The following FEM1B variants were observed in gnomAD, a reference collection of about 807,000 sequenced individuals.
FEM1B encodes the protein fem-1 homolog B, also known as protein fem-1 homolog B.
Under a neutral mutation model 38.6 loss-of-function variants are expected in FEM1B, and 10 were observed. That is an observed-to-expected ratio of 0.26 (90% CI 0.16 to 0.44). The LOEUF (loss-of-function observed/expected upper bound fraction) is 0.44, where lower values mean the gene tolerates loss of function less well. Among genes scored for constraint, FEM1B ranks in the 20% least tolerant of loss-of-function variants. The pLI, the probability that FEM1B is intolerant of heterozygous loss-of-function variation, is 1.00. For synonymous variants in FEM1B, 288 were observed against 288.0 expected (o/e 1.00, Z 0.00); for missense variants, 471 against 786.7 (o/e 0.60, Z 4.80).
intron 1 of FEM1B, among the ~76,000 whole-genome samples, chr15:68,287,208 A>T (rs1258012642): frequency 1.4e-5 from 2 of 143,884 alleles, no homozygotes; most frequent in Non-Finnish European, 3.0e-5. Flanking sequence ...TTCTTTAGTT[A>T]AAAAAAATCA....
rs747427324 is a variant in FEM1B at position 68,290,307 on chromosome 15, A to G, written c.949A>G (p.Ile317Val). 1 of 1,614,146 alleles carries G rather than the reference A, an allele frequency of 6.2e-7. No individual in the cohort carries two copies. Among genetic ancestry groups the G allele is most frequent in the Non-Finnish European group, 8.5e-7 (1 of 1,180,006 alleles). Residue 317 changes from isoleucine to valine, a missense_variant, in exon 2 of 2, where the codon ATT becomes GTT. Around this residue, in one of 3 missense-constraint regions of FEM1B, gnomAD observed 380 missense variants for 599.6 expected, o/e 0.63. Transcript: ENST00000306917. The surrounding 1 kb of genome is among the most constrained non-coding windows in gnomAD (Gnocchi z 9.7). ...ECRNPQELESIRQDRDALHME... is the reference protein window; with the variant it reads ...ECRNPQELESVRQDRDALHME... ...TAGAAATCCTCAGGAACTGGAGTCC[A>G]TTCGGCAAGACAGAGATGCTCTTCA...
intron 1 of FEM1B, among the ~76,000 whole-genome samples, chr15:68,286,799 AC>A (rs200723170): frequency 6.6e-6 from 1 of 152,028 alleles, no homozygotes; most frequent in African/African-American, 2.4e-5. Flanking sequence ...TAAAAACATA[AC>A]AAAAAAATAA....
At chr15:68,282,678 G>A (rs1031208759) in intron 1 of FEM1B, among the ~76,000 whole-genome samples, 2 of 152,144 alleles carry the variant, frequency 1.3e-5, no homozygotes, top group African/African-American at 4.8e-5. Context: ...ATTTTGGACT[G>A]GGCCTAGAAA....
chr15:68,291,406 AT>A lies in FEM1B; in HGVS notation c.*166del. 1.7e-6 allele frequency: 1 copy of A among 573,244 alleles called. No homozygotes were observed. The highest frequency in any genetic ancestry group is 3.0e-6 in the Non-Finnish European group (1 of 333,326). The allele number at this position is 573,244 out of a possible 1,614,324, so 35.5% of individuals were successfully genotyped here. A position where few individuals can be genotyped will look rare whatever the true frequency, so the allele number is the denominator to read the frequency against. Reference sequence around the variant, plus strand: ...TATTTGTTTTTCTTGCCTCATGGTAATTGATTTCAGACAGACTTTAACAAAA... The same window carrying A: ...TATTTGTTTTTCTTGCCTCATGGTAATGATTTCAGACAGACTTTAACAAAA... On this transcript the variant is annotated 3_prime_UTR_variant, in exon 2 of 2. Coordinates refer to ENST00000306917, the MANE Select transcript of FEM1B (RefSeq NM_015322.5). The surrounding 1 kb of genome is among the most constrained non-coding windows in gnomAD (Gnocchi z 6.9).
Position 68,293,673 on chromosome 15 carries a change from A to T in FEM1B, c.*2431A>T, listed in dbSNP as rs1180648756. The T allele has an allele frequency of 6.6e-6, 1 of 152,212 alleles. No homozygotes were observed. The highest frequency in any genetic ancestry group is 2.4e-5 in the African/African-American group (1 of 41,458). 9.4% of individuals were successfully genotyped at this position (152,212 alleles called of 1,614,324 possible). On this transcript the variant is annotated 3_prime_UTR_variant, in exon 2 of 2. Transcript: ENST00000306917. This position sits in a 1 kb window ranked among gnomAD's most constrained non-coding sequence, Gnocchi z 5.8. The stretch of plus-strand genomic sequence containing the variant: ...AATCTAATTCTATCTTGTAAAATCA[A>T]TCCAAATGTGTATTGTGAAACACCT...
chr15:68,286,582 T>G (rs948110561), intron 1 of FEM1B, among the ~76,000 whole-genome samples: 3 of 152,156 alleles, frequency 2.0e-5, no homozygotes, highest in Admixed American at 6.5e-5. Context: ...ATCTTAACAT[T>G]ATAGAGTCTT....
Position 68,280,421 on chromosome 15 carries a change from T to C in FEM1B, c.248+1756T>C, listed in dbSNP as rs1892713344. 6.6e-6 allele frequency: 1 copy of C among 152,168 alleles called. No individual in the cohort carries two copies. The highest frequency in any genetic ancestry group is 6.6e-5 in the Admixed American group (1 of 15,264). The allele number at this position is 152,168 out of a possible 1,614,324, so 9.4% of individuals were successfully genotyped here. On this transcript the variant is annotated intron_variant, in intron 1 of 1. Coordinates refer to ENST00000306917, the MANE Select transcript of FEM1B (RefSeq NM_015322.5). The surrounding 1 kb of genome is among the most constrained non-coding windows in gnomAD (Gnocchi z 4.2). ...GTCAGTCTGGGTGGGGGGAGAGAAA[T>C]TAATAACACAAATGAGTATTTGCAG...
chr15:68,286,137 AG>A (rs1454954330), intron 1 of FEM1B, among the ~76,000 whole-genome samples: 5 of 151,946 alleles, frequency 3.3e-5, no homozygotes. Context: ...TTTATTAAAA[AG>A]ACCATGTTTT....
intron 1 of FEM1B, among the ~76,000 whole-genome samples, chr15:68,285,020 C>T (rs75471612): frequency 0.011 from 1,613 of 152,302 alleles, 22 homozygotes; most frequent in African/African-American, 0.037. Flanking sequence ...TGCCCAGTTT[C>T]GGGTATGCCT....
Position 68,280,544 on chromosome 15 carries a change from C to T in FEM1B, c.248+1879C>T, listed in dbSNP as rs989356247. 1.3e-5 allele frequency among the ~76,000 whole-genome samples: 2 copies of T among 152,164 alleles called. No homozygotes were observed. The highest frequency in any genetic ancestry group is 4.8e-5 in the African/African-American group (2 of 41,422). ...ATCCGGGGGGAATCTAGAAAGGCTT[C>T]ACAGAGGAGGTGACGTTCGAGCTGT... On this transcript the variant is annotated intron_variant, in intron 1 of 1. Transcript: ENST00000306917. This position sits in a 1 kb window ranked among gnomAD's most constrained non-coding sequence, Gnocchi z 4.2.
At position 68,289,697 on chromosome 15, in the gene FEM1B, C is replaced by T. The variant is rs745539219; in HGVS notation, c.339C>T (p.Asn113=). The T allele has an allele frequency of 1.9e-5, 30 of 1,614,010 alleles. No homozygotes were observed. Among genetic ancestry groups the T allele is most frequent in the East Asian group, 1.6e-4 (7 of 44,894 alleles). ...VVKLLVSHGA[N]VNHTTVTNST... ...AACTTCTAGTCAGCCATGGAGCCAA[C>T]GTGAACCATACCACAGTAACTAATT... The change falls in exon 2 of 2, where the codon AAC becomes AAT. Residue 113 remains asparagine, a synonymous_variant. Coordinates refer to ENST00000306917, the MANE Select transcript of FEM1B (RefSeq NM_015322.5). The surrounding 1 kb of genome is among the most constrained non-coding windows in gnomAD (Gnocchi z 6.9).
Position 68,294,237 on chromosome 15 carries a change from C to G in FEM1B, c.*2995C>G, listed in dbSNP as rs1409678187. 4 of 152,154 alleles carry G rather than the reference C, an allele frequency of 2.6e-5. No individual in the cohort carries two copies. The highest frequency in any genetic ancestry group is 4.1e-4 in the South Asian group (2 of 4,834). 9.4% of individuals were successfully genotyped at this position (152,154 alleles called of 1,614,324 possible). ...GCTTTTTCAGTCCACCCTGGTTGCT[C>G]TAGTAGCCCACAGCCCAATCACGTT... On this transcript the variant is annotated 3_prime_UTR_variant, in exon 2 of 2. Coordinates refer to ENST00000306917, the MANE Select transcript of FEM1B (RefSeq NM_015322.5). This position sits in a 1 kb window ranked among gnomAD's most constrained non-coding sequence, Gnocchi z 4.4.
intron 1 of FEM1B, among the ~76,000 whole-genome samples, chr15:68,283,629 G>A (rs953449104): frequency 6.6e-6 from 1 of 150,996 alleles, no homozygotes; most frequent in Non-Finnish European, 1.5e-5. Flanking sequence ...AGCAGTGATT[G>A]TGCCACTGTA....
rs1424140972 is a variant in FEM1B at position 68,294,963 on chromosome 15, G to GTGTT, written c.*3723_*3726dup. ...TCTCTTGAAAGTAGAAAACTCCTAT[G>GTGTT]TGTTTATCACATTGCAGGGCTTTCT... On this transcript the variant is annotated 3_prime_UTR_variant, in exon 2 of 2. Coordinates refer to ENST00000306917, the MANE Select transcript of FEM1B (RefSeq NM_015322.5). The surrounding 1 kb of genome is among the most constrained non-coding windows in gnomAD (Gnocchi z 4.4). 6.6e-6 allele frequency: 1 copy of GTGTT among 152,164 alleles called. No individual in the cohort carries two copies. Among genetic ancestry groups the GTGTT allele is most frequent in the African/African-American group, 2.4e-5 (1 of 41,440 alleles). 9.4% of individuals were successfully genotyped at this position (152,164 alleles called of 1,614,324 possible). A position where few individuals can be genotyped will look rare whatever the true frequency, so the allele number is the denominator to read the frequency against.
chr15:68,281,569 AGG>A lies in FEM1B; in HGVS notation c.248+2907_248+2908del, dbSNP rs1892727047. On this transcript the variant is annotated intron_variant, in intron 1 of 1. Coordinates refer to ENST00000306917, the MANE Select transcript of FEM1B (RefSeq NM_015322.5). The surrounding 1 kb of genome is among the most constrained non-coding windows in gnomAD (Gnocchi z 5.1). ...AAAGTGGATTCATGATAGAGCCTCG[AGG>A]GGAAAGGGACCACCCACCTAGATTA... Among the ~76,000 whole-genome samples the A allele has an allele frequency of 6.6e-6, 1 of 152,142 alleles. No individual in the cohort carries two copies. The highest frequency in any genetic ancestry group is 1.5e-5 in the Non-Finnish European group (1 of 68,024).
Position 68,278,813 on chromosome 15 carries a change from C to T in FEM1B, c.248+148C>T. ...CCACCTCCTGCCCCACTAATGCCCACTTCATCTTCCAGGGCTAATAATCCA... is the reference window on the plus strand; with the variant it reads ...CCACCTCCTGCCCCACTAATGCCCATTTCATCTTCCAGGGCTAATAATCCA... On this transcript the variant is annotated intron_variant, in intron 1 of 1. Coordinates refer to ENST00000306917, the MANE Select transcript of FEM1B (RefSeq NM_015322.5). This position sits in a 1 kb window ranked among gnomAD's most constrained non-coding sequence, Gnocchi z 5.7. 1 of 877,300 alleles carries T rather than the reference C, an allele frequency of 1.1e-6. No homozygotes were observed. The allele number at this position is 877,300 out of a possible 1,614,324, so 54.3% of individuals were successfully genotyped here.
Position 68,288,281 on chromosome 15 carries a change from G to A in FEM1B, c.249-1326G>A, listed in dbSNP as rs1482247073. Among the ~76,000 whole-genome samples the A allele has an allele frequency of 1.3e-5, 2 of 152,192 alleles. No individual in the cohort carries two copies. The highest frequency in any genetic ancestry group is 4.8e-5 in the African/African-American group (2 of 41,446). ...ACACATTCAAACTATAGCACCAGGA[G>A]CATTATTCTCTTTTCCACTTCATGG... On this transcript the variant is annotated intron_variant, in intron 1 of 1. Transcript: ENST00000306917. This position sits in a 1 kb window ranked among gnomAD's most constrained non-coding sequence, Gnocchi z 4.6.
rs1446783206 is a variant in FEM1B at position 68,284,898 on chromosome 15, T to C, written c.249-4709T>C. ...ATTCCCTGCACAAGCTCACTTTGCC[T>C]GCTGCCATCCATGTAAGATGTGACT... On this transcript the variant is annotated intron_variant, in intron 1 of 1. Coordinates refer to ENST00000306917, the MANE Select transcript of FEM1B (RefSeq NM_015322.5). The surrounding 1 kb of genome is among the most constrained non-coding windows in gnomAD (Gnocchi z 4.4). Among the ~76,000 whole-genome samples, 1 of 152,252 alleles carries C rather than the reference T, an allele frequency of 6.6e-6. No individual in the cohort carries two copies. The highest frequency in any genetic ancestry group is 1.5e-5 in the Non-Finnish European group (1 of 68,052).
At position 68,278,509 on chromosome 15, in the gene FEM1B, A is replaced by G; in HGVS notation, c.92A>G (p.Asp31Gly). 6.2e-7 allele frequency: 1 copy of G among 1,614,012 alleles called. No individual in the cohort carries two copies. The highest frequency in any genetic ancestry group is 8.5e-7 in the Non-Finnish European group (1 of 1,180,030). ...TTGCTTCTCAACCGGTCTGAAAGCG[A>G]CATCCGCTATCTGCTTGGCTATGTC... is the stretch of plus-strand genomic sequence containing the variant. Reference protein sequence around the residue: ...AALLLNRSESDIRYLLGYVSQ... With the variant: ...AALLLNRSESGIRYLLGYVSQ... The change falls in exon 1 of 2, where the codon GAC (aspartate) becomes GGC (glycine). Residue 31 changes from aspartate (D) to glycine (G), a missense_variant. Asp to Gly is a moderately conservative substitution (Grantham distance 94, BLOSUM62 -1). Around this residue, in one of 3 missense-constraint regions of FEM1B, gnomAD observed 91 missense variants for 169.6 expected, o/e 0.54. Coordinates refer to ENST00000306917, the MANE Select transcript of FEM1B (RefSeq NM_015322.5). The surrounding 1 kb of genome is among the most constrained non-coding windows in gnomAD (Gnocchi z 5.7).
Sources: gnomAD v4.1 joint callset for allele counts (sites outside exome capture counted in the v4.1 genomes callset) on GRCh38, gnomAD v4.1.1 for gene constraint, gnomAD v4.1.1 regional missense constraint, Gnocchi (gnomAD v3.1) non-coding constraint, MANE v1.5 for transcripts, NCBI Gene and HGNC (gene_info 2026-07-23, HGNC 2026-07-21) for gene names.